Variants in HMCN2 observed in about 807,000 individuals in gnomAD.
The protein encoded by HMCN2 is hemicentin 2.
A neutral mutation model predicts 377.5 loss-of-function variants in HMCN2; 325 were observed. That is an observed-to-expected ratio of 0.86 (90% confidence interval 0.79 to 0.94). The LOEUF (loss-of-function observed/expected upper bound fraction) is 0.94. HMCN2 is among the 40% of genes least tolerant of loss of function. The probability of loss-of-function intolerance (pLI) is 0.00; values close to 1 mark genes in which losing one functional copy is unlikely to be tolerated. For missense variants in HMCN2, 4,543 were observed against 4,725.3 expected, an observed-to-expected ratio of 0.96 and a Z score of 1.13; for synonymous variants, 2,007 against 2,046.8, an observed-to-expected ratio of 0.98 and a Z score of 0.53.
In HMCN2 at chr9:130,304,818, C is replaced by T. The variant is rs1226545162; in HGVS notation, c.1632C>T (p.Ala544=). The part of the protein sequence containing the change: ...AVLSCRVLGE[A]PYNLTWVRDW... ...TATCCTGCCGGGTCCTAGGCGAGGC[C>T]CCCTACAACCTGACGTGGGTCCGGG... Residue 544 remains alanine (A), a synonymous_variant, in exon 11 of 98, where the codon GCC becomes GCT. Coordinates refer to ENST00000683500, the MANE Select transcript of HMCN2 (RefSeq NM_001291815.2). This position sits in a 1 kb window ranked among gnomAD's most constrained non-coding sequence, Gnocchi z 4.3. 1 of 470,988 alleles carries T rather than the reference C, an allele frequency of 2.1e-6. No homozygotes were observed. Among genetic ancestry groups the T allele is most frequent in the Non-Finnish European group, 4.4e-6 (1 of 227,058 alleles). 29.2% of individuals were successfully genotyped at this position (470,988 alleles called of 1,614,324 possible).
chr9:130,282,116 G>A (rs1355821801), intron 1 of HMCN2, among the ~76,000 whole-genome samples: 1 of 152,200 alleles, frequency 6.6e-6, no homozygotes, highest in Non-Finnish European at 1.5e-5. Context: ...AGTCAAAGTA[G>A]AATTTGAGGA....
intron 74 of HMCN2, among the ~76,000 whole-genome samples, chr9:130,398,012 G>A (rs1013088710): frequency 1.3e-5 from 2 of 151,480 alleles, no homozygotes; most frequent in Admixed American, 6.6e-5. Context: ...AATTAGCCAA[G>A]CATGGTGGCA....
chr9:130,331,168 AAAAG>A (rs1332376919), intron 22 of HMCN2, among the ~76,000 whole-genome samples: 2 of 151,756 alleles, frequency 1.3e-5, no homozygotes, highest in Non-Finnish European at 2.9e-5. Context: ...AAAAAAAAAA[AAAAG>A]GACAAAGTAA....
chr9:130,364,854 G>T lies in HMCN2; in HGVS notation c.6373G>T (p.Gly2125Ter). ...KDGRPLEPRP[G>*]VHLSADKALL... ...CGGGCGGCCCCTGGAACCACGGCCT[G>T]GAGTCCACCTCTCCGCAGACAAAGC... Residue 2125 changes from glycine (G) to a stop codon, truncating the protein, a stop_gained, in exon 41 of 98, where the codon GGA becomes TGA. Coordinates refer to ENST00000683500, the MANE Select transcript of HMCN2 (RefSeq NM_001291815.2). LOFTEE classifies it high-confidence loss of function. The T allele has an allele frequency of 1.0e-6, 1 of 986,018 alleles. No homozygotes were observed. Among genetic ancestry groups the T allele is most frequent in the Non-Finnish European group, 1.2e-6 (1 of 830,036 alleles). 61.1% of individuals were successfully genotyped at this position (986,018 alleles called of 1,614,324 possible).
chr9:130,383,273 A>G (rs55716198), intron 56 of HMCN2, among the ~76,000 whole-genome samples: 114,102 of 151,732 alleles, frequency 0.75, 44,266 homozygotes, highest in East Asian at 0.87. Context: ...GGGGTGGGGG[A>G]GGCTCTTGTC....
intron 81 of HMCN2, 106 bp from the exon 82 acceptor site, chr9:130,405,849 C>T: frequency 2.4e-6 from 2 of 835,102 alleles, no homozygotes; most frequent in South Asian, 3.3e-5. Context: ...CAAGTCACTT[C>T]CCCTCTCTGG....
At chr9:130,346,729 C>T (rs1839411622) in intron 25 of HMCN2, among the ~76,000 whole-genome samples, 1 of 152,026 alleles carries the variant, frequency 6.6e-6, no homozygotes, top group South Asian at 2.1e-4. Flanking sequence ...GAGCCTGGCC[C>T]TCGTCGGGTG....
At position 130,293,279 on chromosome 9, in the gene HMCN2, G is replaced by GTTTTTTTTTTTTTTTTTTTTT. The variant is rs71387339; in HGVS notation, c.613-1575_613-1555dup. 3.3e-3 allele frequency among the ~76,000 whole-genome samples: 190 copies of GTTTTTTTTTTTTTTTTTTTTT among 57,124 alleles called. 26 individuals carry two copies. The highest frequency in any genetic ancestry group is 8.8e-3 in the African/African-American group (78 of 8,886). 37.5% of individuals were successfully genotyped at this position (57,124 alleles called of 152,430 possible). A position where few individuals can be genotyped will look rare whatever the true frequency, so the allele number is the denominator to read the frequency against. On this transcript the variant is annotated intron_variant, in intron 4 of 97. Transcript: ENST00000683500. ...TTCCAAATAAAATCTACTCACTAAA[G>GTTTTTTTTTTTTTTTTTTTTT]TTTTTTTTTTTTTTTTTTTTTGCGG... is the stretch of plus-strand genomic sequence containing the variant.
intron 56 of HMCN2, among the ~76,000 whole-genome samples, chr9:130,383,267 T>TG (rs11404994): frequency 0.6 from 90,795 of 151,482 alleles, 30,519 homozygotes; most frequent in East Asian, 0.87. Flanking sequence ...TCCACAGGGG[T>TG]GGGGGAGGCT....
At chr9:130,385,499 G>T (rs1467192781) in intron 59 of HMCN2, 61 bp from the exon 60 acceptor site, 15 of 1,197,028 alleles carry the variant, frequency 1.3e-5, no homozygotes, top group African/African-American at 1.6e-5. Flanking sequence ...TTTCCCTGTG[G>T]CTGAGTGGGG....
chr9:130,350,671 G>A (rs1051326211), intron 29 of HMCN2, among the ~76,000 whole-genome samples: 4 of 151,924 alleles, frequency 2.6e-5, no homozygotes, highest in Middle Eastern at 3.2e-3. Flanking sequence ...CAGATCACGA[G>A]GTCAGGAGAT....
At chr9:130,384,162 G>T (rs114026476) in intron 57 of HMCN2, among the ~76,000 whole-genome samples, 3,576 of 152,288 alleles carry the variant, frequency 0.023, 140 homozygotes, top group African/African-American at 0.082. Flanking sequence ...CAGCTGTGTG[G>T]CCTTGGAACA....
At chr9:130,282,251 C>T (rs1369878669) in intron 1 of HMCN2, among the ~76,000 whole-genome samples, 1 of 152,222 alleles carries the variant, frequency 6.6e-6, no homozygotes, top group Non-Finnish European at 1.5e-5. Flanking sequence ...CCATGCCAAG[C>T]TGCGTGCTAA....
rs1554936107 is a variant in HMCN2, at chr9:130,304,921, C to G, written c.1735C>G (p.Pro579Ala). Residue 579 changes from proline to alanine, a missense_variant, in exon 11 of 98, where the codon CCC (proline) becomes GCC (alanine). Physicochemically the swap from Pro to Ala is conservative, Grantham distance 27. This residue lies in a region of HMCN2 where 547 missense variants were observed against 189.9 expected (regional missense o/e 2.88). Transcript: ENST00000683500. This position sits in a 1 kb window ranked among gnomAD's most constrained non-coding sequence, Gnocchi z 4.3. ...GTCCCTGGAGATCAGTGGCATCATC[C>G]CCACAGACGGCGGGAGGTACCAGTG... Reference protein sequence around the residue: ...DLSLEISGIIPTDGGRYQCVA... With the variant: ...DLSLEISGIIATDGGRYQCVA... 2.1e-6 allele frequency: 1 copy of G among 471,158 alleles called. No individual in the cohort carries two copies. The highest frequency in any genetic ancestry group is 2.0e-5 in the African/African-American group (1 of 50,208). The allele number at this position is 471,158 out of a possible 1,614,324, so 29.2% of individuals were successfully genotyped here.
intron 48 of HMCN2, among the ~76,000 whole-genome samples, chr9:130,374,201 GGATGGATGGATT>G (rs950417816): frequency 3.3e-4 from 50 of 152,126 alleles, no homozygotes; most frequent in Non-Finnish European, 6.0e-4. Context: ...ATGGTTGGAT[GGATGGATGGATT>G]GGTGGGTGGT....
At chr9:130,273,317 T>C (rs1284578810) in intron 1 of HMCN2, among the ~76,000 whole-genome samples, 2 of 152,200 alleles carry the variant, frequency 1.3e-5, no homozygotes, top group African/African-American at 4.8e-5. Flanking sequence ...TTTTAACTAC[T>C]TCTAATTTTT....
chr9:130,405,868 C>A, intron 81 of HMCN2, 87 bp from the exon 82 acceptor site: 2 of 1,009,786 alleles, frequency 2.0e-6, no homozygotes, highest in Non-Finnish European at 2.6e-6. Flanking sequence ...GGGCTGGATG[C>A]TCCATGAGAA....
Position 130,348,612 on chromosome 9 carries a change from G to T in HMCN2, c.4092G>T (p.Thr1364=), listed in dbSNP as rs755795160. The T allele has an allele frequency of 7.7e-7, 1 of 1,304,286 alleles. No individual in the cohort carries two copies. Among genetic ancestry groups the T allele is most frequent in the South Asian group, 1.2e-5 (1 of 81,032 alleles). 80.8% of individuals were successfully genotyped at this position (1,304,286 alleles called of 1,614,324 possible). The stretch of plus-strand genomic sequence containing the variant: ...CGGGTATGGCCGGGCAGTCCCTGAC[G>T]CTGGAGTGTGACGCGAACGGCTTTC... ...NVSGMAGQSL[T]LECDANGFPV... is the part of the protein sequence containing the mutation. Residue 1364 remains threonine (T), a synonymous_variant, in exon 27 of 98, where the codon ACG becomes ACT. Coordinates refer to ENST00000683500, the MANE Select transcript of HMCN2 (RefSeq NM_001291815.2).
At chr9:130,355,164 T>C in intron 32 of HMCN2, 120 bp downstream of exon 32, 1 of 820,172 alleles carries the variant, frequency 1.2e-6, no homozygotes, top group Non-Finnish European at 1.7e-6. Flanking sequence ...GTAACCAGTG[T>C]CCCCACATTG....
Sources: gnomAD v4.1 joint callset for allele counts (sites outside exome capture counted in the v4.1 genomes callset) on GRCh38, gnomAD v4.1.1 for gene constraint, gnomAD v4.1.1 regional missense constraint, Gnocchi (gnomAD v3.1) non-coding constraint, MANE v1.5 for transcripts, NCBI Gene and HGNC (gene_info 2026-07-23, HGNC 2026-07-21) for gene names.